Variants in KLHL3 observed in about 807,000 individuals in gnomAD.
The protein encoded by KLHL3 is kelch like family member 3.
KLHL3 carries 19 observed loss-of-function variants against 70.5 expected under a neutral mutation model. The ratio of observed to expected loss-of-function variants is 0.27; its 90% confidence interval spans 0.19 to 0.40. The LOEUF (loss-of-function observed/expected upper bound fraction) is 0.40, where lower values mean the gene tolerates loss of function less well. KLHL3 is among the 10% of genes least tolerant of loss of function. The probability of loss-of-function intolerance (pLI) is 1.00; values close to 1 mark genes in which losing one functional copy is unlikely to be tolerated. For missense variants in KLHL3, 512 were observed against 771.1 expected, an observed-to-expected ratio of 0.66 and a Z score of 3.98; for synonymous variants, 258 against 290.3, an observed-to-expected ratio of 0.89 and a Z score of 1.13.
chr5:137,643,486 G>A (rs1329700139), intron 8 of KLHL3, among the ~76,000 whole-genome samples: 1 of 152,146 alleles, frequency 6.6e-6, no homozygotes, highest in Non-Finnish European at 1.5e-5. Flanking sequence ...AATGAATTAT[G>A]AGGTTTTGTG....
intron 14 of KLHL3, among the ~76,000 whole-genome samples, chr5:137,625,084 G>A (rs1750425339): frequency 1.4e-5 from 2 of 144,746 alleles, no homozygotes; most frequent in African/African-American, 4.9e-5. Flanking sequence ...AAAATAGACG[G>A]ATAGAGTCCC....
At chr5:137,645,279 C>A (rs1299848710) in intron 8 of KLHL3, among the ~76,000 whole-genome samples, 1 of 152,218 alleles carries the variant, frequency 6.6e-6, no homozygotes, top group Non-Finnish European at 1.5e-5. Flanking sequence ...ACTTTCTCCA[C>A]TTCTATCCAA....
chr5:137,650,891 A>G (rs1038417405), intron 8 of KLHL3, among the ~76,000 whole-genome samples: 5 of 151,606 alleles, frequency 3.3e-5, no homozygotes, highest in South Asian at 2.1e-4. Context: ...AGATTTAAAA[A>G]AAAGAAAGAA....
In KLHL3 at chr5:137,699,840, G is replaced by A. The variant is rs143183195; in HGVS notation, c.242-1432C>T. ...CTCTCTGTGGAATTCATACACCAGA[G>A]CCAAGAAAATAAAGTACAGTACAGC... On this transcript the variant is annotated intron_variant, in intron 3 of 14. Coordinates refer to ENST00000309755, the MANE Select transcript of KLHL3 (RefSeq NM_017415.3). Among the ~76,000 whole-genome samples, 78 of 152,272 alleles carry A rather than the reference G, an allele frequency of 5.1e-4. 2 individuals are homozygous for A. In the East Asian group the frequency reaches 0.014, roughly 28 times the overall value.
intron 3 of KLHL3, among the ~76,000 whole-genome samples, chr5:137,708,687 T>C (rs1406237539): frequency 2.0e-5 from 3 of 151,934 alleles, no homozygotes; most frequent in African/African-American, 4.8e-5. Context: ...TGGTGATAAA[T>C]GTTATGAAAA....
At chr5:137,635,469 A>T (rs2149882585) in intron 11 of KLHL3, among the ~76,000 whole-genome samples, 1 of 152,306 alleles carries the variant, frequency 6.6e-6, no homozygotes, top group Admixed American at 6.5e-5. Context: ...ACTCCAATCC[A>T]CAGAGTCTTT....
chr5:137,619,561 A>T lies in KLHL3; in HGVS notation c.*2537T>A, dbSNP rs1331811856. On this transcript the variant is annotated 3_prime_UTR_variant, in exon 15 of 15. Coordinates refer to ENST00000309755, the MANE Select transcript of KLHL3 (RefSeq NM_017415.3). ...CTACCACGTGACCAGCACAAACTAG[A>T]AAATAGCCTGCTGTGTCCACTGTGG... is the stretch of plus-strand genomic sequence containing the variant. 3.3e-5 allele frequency: 5 copies of T among 152,676 alleles called. No homozygotes were observed. Among genetic ancestry groups the T allele is most frequent in the Non-Finnish European group, 5.9e-5 (4 of 68,050 alleles). The allele number at this position is 152,676 out of a possible 1,614,324, so 9.5% of individuals were successfully genotyped here. A position where few individuals can be genotyped will look rare whatever the true frequency, so the allele number is the denominator to read the frequency against.
chr5:137,632,737 G>A (rs1750668735), intron 12 of KLHL3, among the ~76,000 whole-genome samples: 1 of 152,046 alleles, frequency 6.6e-6, no homozygotes, highest in Admixed American at 6.5e-5. Flanking sequence ...CAGAATGGGA[G>A]AAAATATTTG....
At chr5:137,716,432 C>T (rs1752894686) in intron 2 of KLHL3, among the ~76,000 whole-genome samples, 1 of 152,078 alleles carries the variant, frequency 6.6e-6, no homozygotes, top group African/African-American at 2.4e-5. Context: ...TTACAGCCTG[C>T]AGGGTGGCTA....
intron 8 of KLHL3, among the ~76,000 whole-genome samples, chr5:137,640,741 C>CG (rs56073700): frequency 6.6e-5 from 10 of 152,080 alleles, no homozygotes; most frequent in Non-Finnish European, 1.5e-4. Context: ...CCACCCCCCC[C>CG]AACTCCTGCT....
intron 8 of KLHL3, among the ~76,000 whole-genome samples, chr5:137,655,993 G>GAAAAA (rs11442441): frequency 2.8e-5 from 3 of 107,930 alleles, no homozygotes; most frequent in African/African-American, 1.1e-4. Context: ...TCTGCCTCAA[G>GAAAAA]AAAAAAAAAA....
At chr5:137,656,493 T>C (rs115552973) in intron 8 of KLHL3, among the ~76,000 whole-genome samples, 142 of 152,370 alleles carry the variant, frequency 9.3e-4, no homozygotes, top group African/African-American at 3.3e-3. Context: ...TTTTTTATCC[T>C]AGGAGACATT....
chr5:137,713,109 C>A (rs1580781744), intron 2 of KLHL3, among the ~76,000 whole-genome samples: 1 of 130,482 alleles, frequency 7.7e-6, no homozygotes, highest in African/African-American at 3.0e-5. Context: ...TCCTGGAATT[C>A]AGACATGGGA....
At chr5:137,699,168 A>G (rs773505393) in intron 3 of KLHL3, among the ~76,000 whole-genome samples, 9 of 152,202 alleles carry the variant, frequency 5.9e-5, no homozygotes, top group Non-Finnish European at 8.8e-5. Context: ...TCCTATTAAG[A>G]GGTCACATTT....
chr5:137,661,517 C>G (rs1482877932), intron 7 of KLHL3: 3 of 159,894 alleles, frequency 1.9e-5, no homozygotes, highest in Non-Finnish European at 4.1e-5. Context: ...CTTCAGTCCT[C>G]TTCAACAAAG....
At chr5:137,720,828 G>A in intron 1 of KLHL3, 1 of 1,327,622 alleles carries the variant, frequency 7.5e-7, no homozygotes, top group Non-Finnish European at 9.7e-7. Context: ...GTGATTTTGT[G>A]TGAGGTCCTT....
chr5:137,724,412 C>G lies in KLHL3; in HGVS notation c.15-3828G>C, dbSNP rs925808212. 3.3e-5 allele frequency among the ~76,000 whole-genome samples: 5 copies of G among 152,200 alleles called. No individual in the cohort carries two copies. The South Asian group carries it at 8.3e-4, about 25-fold the overall frequency. Reference sequence around the variant, plus strand: ...AAGCTCACTCTTCTGGTGTGTTGCTCTTTGCACTTTCCAGAATGGTCCAAT... The same window carrying G: ...AAGCTCACTCTTCTGGTGTGTTGCTGTTTGCACTTTCCAGAATGGTCCAAT... On this transcript the variant is annotated intron_variant, in intron 1 of 14. Coordinates refer to ENST00000309755, the MANE Select transcript of KLHL3 (RefSeq NM_017415.3).
intron 12 of KLHL3, chr5:137,629,589 C>T (rs1034806375): frequency 2.0e-5 from 3 of 152,180 alleles, no homozygotes; most frequent in Non-Finnish European, 1.5e-5. Flanking sequence ...ACTGTTTTTA[C>T]CTTGTCCTCG....
At position 137,735,797 on chromosome 5, in the gene KLHL3, A is replaced by G; in HGVS notation, c.-151T>C. 3.9e-6 allele frequency: 4 copies of G among 1,020,586 alleles called. No homozygotes were observed. The highest frequency in any genetic ancestry group is 6.1e-6 in the Non-Finnish European group (4 of 650,756). 63.2% of individuals were successfully genotyped at this position (1,020,586 alleles called of 1,614,324 possible). A position where few individuals can be genotyped will look rare whatever the true frequency, so the allele number is the denominator to read the frequency against. ...GCAAGTGAAGCCTCCTCCCTTCTCA[A>G]TCCTCCTTCCTCTGACTTACTCGCA... On this transcript the variant is annotated 5_prime_UTR_variant, in exon 1 of 15. Transcript: ENST00000309755.
Sources: allele counts gnomAD v4.1 joint callset (sites outside exome capture counted in the v4.1 genomes callset), GRCh38; gene constraint gnomAD v4.1.1; transcripts MANE v1.5; gene names NCBI Gene and HGNC (gene_info 2026-07-23, HGNC 2026-07-21).